Variants in LPCAT1 observed in about 807,000 individuals in gnomAD.
LPCAT1 encodes lysophosphatidylcholine acyltransferase 1.
A neutral mutation model predicts 60.9 loss-of-function variants in LPCAT1; 23 were observed. That is an observed-to-expected ratio of 0.38 (90% CI 0.27 to 0.53). The LOEUF (loss-of-function observed/expected upper bound fraction) is 0.53. Ranked by LOEUF, LPCAT1 falls within the 20% of genes least tolerant of loss-of-function variation. The pLI is 0.82. For synonymous variants in LPCAT1, 340 were observed against 301.1 expected (o/e 1.13, Z -1.34); for missense variants, 622 against 723.6 (o/e 0.86, Z 1.61).
chr5:1,466,909 G>C lies in LPCAT1; in HGVS notation c.1279-19C>G, dbSNP rs2126473865. 3 of 1,546,352 alleles carry C rather than the reference G, an allele frequency of 1.9e-6. No homozygotes were observed. Among genetic ancestry groups the C allele is most frequent in the Non-Finnish European group, 2.6e-6 (3 of 1,139,510 alleles). ...CGTACATCTGCAAGGCAAACTGGGT[G>C]TCACCTTGCAGCCTCCTCCCCTGCC... On this transcript the variant is annotated intron_variant, in intron 12 of 13. Coordinates refer to ENST00000283415, the MANE Select transcript of LPCAT1 (RefSeq NM_024830.5).
chr5:1,521,024 T>C lies in LPCAT1; in HGVS notation c.135+2686A>G, dbSNP rs1225929445. On this transcript the variant is annotated intron_variant, in intron 1 of 13. Transcript: ENST00000283415. The surrounding 1 kb of genome is among the most constrained non-coding windows in gnomAD (Gnocchi z 4.3). Reference sequence around the variant, plus strand: ...TCATGACTCCAAAACGATATATGAATGTGTGACTATGAAGAACCTCAGCTG... The same window carrying C: ...TCATGACTCCAAAACGATATATGAACGTGTGACTATGAAGAACCTCAGCTG... Among the ~76,000 whole-genome samples, 2 of 152,030 alleles carry C rather than the reference T, an allele frequency of 1.3e-5. No individual in the cohort carries two copies. Among genetic ancestry groups the C allele is most frequent in the Non-Finnish European group, 2.9e-5 (2 of 68,022 alleles).
intron 12 of LPCAT1, among the ~76,000 whole-genome samples, chr5:1,468,424 C>A (rs1404171562): frequency 1.3e-5 from 2 of 152,234 alleles, no homozygotes; most frequent in Non-Finnish European, 2.9e-5. Flanking sequence ...TCCCACTCAG[C>A]CCCCAGAGAG....
intron 3 of LPCAT1, among the ~76,000 whole-genome samples, chr5:1,493,170 C>T (rs1016967502): frequency 1.3e-5 from 2 of 152,208 alleles, no homozygotes; most frequent in Admixed American, 6.5e-5. Context: ...CCCAGCCAGC[C>T]GAGTGCAGTG....
At chr5:1,508,807 C>T (rs1487703667) in intron 1 of LPCAT1, among the ~76,000 whole-genome samples, 1 of 152,132 alleles carries the variant, frequency 6.6e-6, no homozygotes, top group African/African-American at 2.4e-5. Flanking sequence ...GGTCACAATG[C>T]CCAGGCCCAG....
Position 1,461,702 on chromosome 5 carries a change from CCATT to C in LPCAT1, c.*1945_*1948del, listed in dbSNP as rs1292358361. On this transcript the variant is annotated 3_prime_UTR_variant, in exon 14 of 14. Coordinates refer to ENST00000283415, the MANE Select transcript of LPCAT1 (RefSeq NM_024830.5). The stretch of plus-strand genomic sequence containing the variant: ...AAAGAGAATCAGGAGGAACAAACAT[CCATT>C]CAAAGTCTGTTTATCAGAGATTTTT... 5.2e-5 allele frequency: 8 copies of C among 152,958 alleles called. No homozygotes were observed. In the East Asian group the frequency reaches 1.3e-3, roughly 26 times the overall value. 9.5% of individuals were successfully genotyped at this position (152,958 alleles called of 1,614,324 possible). A position where few individuals can be genotyped will look rare whatever the true frequency, so the allele number is the denominator to read the frequency against.
chr5:1,482,856 C>A (rs1223403783), intron 6 of LPCAT1, among the ~76,000 whole-genome samples: 1 of 152,156 alleles, frequency 6.6e-6, no homozygotes, highest in Non-Finnish European at 1.5e-5. Context: ...TGGGGTCTAC[C>A]ACCTTCGCCC....
chr5:1,468,692 A>C (rs1734539862), intron 12 of LPCAT1, among the ~76,000 whole-genome samples: 1 of 152,236 alleles, frequency 6.6e-6, no homozygotes, highest in African/African-American at 2.4e-5. Context: ...ATAACGAAAA[A>C]GAACAAAAAC....
chr5:1,503,429 G>C (rs1279387182), intron 1 of LPCAT1, among the ~76,000 whole-genome samples: 1 of 152,242 alleles, frequency 6.6e-6, no homozygotes, highest in Non-Finnish European at 1.5e-5. Flanking sequence ...CTGCATCTGT[G>C]GGGAGAGCCA....
At chr5:1,485,383 G>A (rs1735332713) in intron 5 of LPCAT1, among the ~76,000 whole-genome samples, 1 of 152,194 alleles carries the variant, frequency 6.6e-6, no homozygotes. Context: ...AAGGCAGGCT[G>A]CACAAGGGCC....
At chr5:1,515,025 T>C (rs1013145679) in intron 1 of LPCAT1, among the ~76,000 whole-genome samples, 18 of 152,194 alleles carry the variant, frequency 1.2e-4, no homozygotes, top group African/African-American at 3.4e-4. Context: ...AGTGGGGCCC[T>C]GGTGGAGAGC....
At chr5:1,463,935 G>T (rs1158722969) in intron 13 of LPCAT1, 100 bp from the exon 14 acceptor site, 2 of 1,223,156 alleles carry the variant, frequency 1.6e-6, no homozygotes, top group African/African-American at 1.5e-5. Context: ...TCCACCTCAC[G>T]CCCTCCAGGG....
At chr5:1,513,339 T>A (rs1344319929) in intron 1 of LPCAT1, among the ~76,000 whole-genome samples, 3 of 152,000 alleles carry the variant, frequency 2.0e-5, no homozygotes, top group Non-Finnish European at 4.4e-5. Context: ...AGCCCCACAC[T>A]CTAGAGGAGA....
chr5:1,510,027 T>C (rs985258723), intron 1 of LPCAT1, among the ~76,000 whole-genome samples: 1 of 152,222 alleles, frequency 6.6e-6, no homozygotes, highest in Non-Finnish European at 1.5e-5. Context: ...TTTCTGTTTG[T>C]GTAATTTTCT....
rs1015295248 is a variant in LPCAT1, at chr5:1,513,855, G to A, written c.135+9855C>T. ...ACACCCTGCGATTACATTCTCACCCGTGGGGCAGGACACCCTGTGATTACA... is the reference window on the plus strand; with the variant it reads ...ACACCCTGCGATTACATTCTCACCCATGGGGCAGGACACCCTGTGATTACA... On this transcript the variant is annotated intron_variant, in intron 1 of 13. Transcript: ENST00000283415. 3.1e-4 allele frequency among the ~76,000 whole-genome samples: 45 copies of A among 144,642 alleles called. 1 individual carries two copies. Among genetic ancestry groups the A allele is most frequent in the Admixed American group, 1.2e-3 (18 of 14,446 alleles). The allele number at this position is 144,642 out of a possible 152,430, so 94.9% of individuals were successfully genotyped here. A position where few individuals can be genotyped will look rare whatever the true frequency, so the allele number is the denominator to read the frequency against.
intron 1 of LPCAT1, among the ~76,000 whole-genome samples, chr5:1,511,661 C>A (rs1229862260): frequency 6.6e-6 from 1 of 152,246 alleles, no homozygotes; most frequent in African/African-American, 2.4e-5. Flanking sequence ...CATCAGGACA[C>A]TGCTTGAATT....
intron 13 of LPCAT1, among the ~76,000 whole-genome samples, chr5:1,466,268 G>A (rs1250474658): frequency 6.6e-6 from 1 of 152,196 alleles, no homozygotes; most frequent in Non-Finnish European, 1.5e-5. Context: ...CTCATCAGAT[G>A]TCCACAGACA....
In LPCAT1 at chr5:1,518,903, G is replaced by C. The variant is rs866799102; in HGVS notation, c.135+4807C>G. On this transcript the variant is annotated intron_variant, in intron 1 of 13. Coordinates refer to ENST00000283415, the MANE Select transcript of LPCAT1 (RefSeq NM_024830.5). ...CGCCCTGGGTGTCATCTCCTGTCTG[G>C]GAACGGAAAGGTGTTGTCTCACTTG... Among the ~76,000 whole-genome samples, 3 of 152,260 alleles carry C rather than the reference G, an allele frequency of 2.0e-5. No individual in the cohort carries two copies. In the South Asian group the frequency reaches 6.2e-4, roughly 31 times the overall value.
rs1421791001 is a variant in LPCAT1 at position 1,483,547 on chromosome 5, G to A, written c.668-61C>T. 11 of 1,546,952 alleles carry A rather than the reference G, an allele frequency of 7.1e-6. No homozygotes were observed. The highest frequency in any genetic ancestry group is 4.5e-5 in the East Asian group (2 of 44,444). On this transcript the variant is annotated intron_variant, in intron 5 of 13. Transcript: ENST00000283415. The surrounding 1 kb of genome is among the most constrained non-coding windows in gnomAD (Gnocchi z 9.2). ...GCCCACGCAGGACAGCGTCTGCTGC[G>A]TTTCTCATGCTGCCCTTGGGATAAA... is the stretch of plus-strand genomic sequence containing the variant.
rs1736052776 is a variant in LPCAT1 at position 1,502,478 on chromosome 5, T to G, written c.136-875A>C. 6.7e-6 allele frequency among the ~76,000 whole-genome samples: 1 copy of G among 148,964 alleles called. No homozygotes were observed. The highest frequency in any genetic ancestry group is 1.5e-5 in the Non-Finnish European group (1 of 67,346). ...CAATGGAAGACCCGGCGCAGGAGAG[T>G]GAACTGGCGGGAGGGCAGGGGCGCA... is the stretch of plus-strand genomic sequence containing the variant. On this transcript the variant is annotated intron_variant, in intron 1 of 13. Transcript: ENST00000283415. The surrounding 1 kb of genome is among the most constrained non-coding windows in gnomAD (Gnocchi z 5.5).
Sources: gnomAD v4.1 joint callset for allele counts (sites outside exome capture counted in the v4.1 genomes callset) on GRCh38, gnomAD v4.1.1 for gene constraint, Gnocchi (gnomAD v3.1) non-coding constraint, MANE v1.5 for transcripts, NCBI Gene and HGNC (gene_info 2026-07-23, HGNC 2026-07-21) for gene names.